PDE3B: variants seen among roughly 807,000 people sequenced by gnomAD.
PDE3B encodes cGMP-inhibited 3',5'-cyclic phosphodiesterase 3B.
A neutral mutation model predicts 116.8 loss-of-function variants in PDE3B; 66 were observed. The ratio of observed to expected loss-of-function variants is 0.56; its 90% CI spans 0.46 to 0.69. The LOEUF (loss-of-function observed/expected upper bound fraction) is 0.69. Among genes scored for constraint, PDE3B ranks in the 30% least tolerant of loss-of-function variants. The pLI is 0.00. For synonymous variants in PDE3B, 595 were observed against 533.6 expected, an observed-to-expected ratio of 1.12 and a Z score of -1.59; for missense variants, 1,384 against 1,368.1, an observed-to-expected ratio of 1.01 and a Z score of -0.18.
At chr11:14,823,548 C>G (rs1300580103) in intron 7 of PDE3B, among the ~76,000 whole-genome samples, 1 of 152,110 alleles carries the variant, frequency 6.6e-6, no homozygotes, top group African/African-American at 2.4e-5. Flanking sequence ...TACACAGGTC[C>G]TCAACCCTAT....
chr11:14,789,192 G>C lies in PDE3B; in HGVS notation c.1365G>C (p.Arg455Ser). The C allele has an allele frequency of 1.2e-6, 2 of 1,611,028 alleles. No individual in the cohort carries two copies. The highest frequency in any genetic ancestry group is 1.7e-6 in the Non-Finnish European group (2 of 1,177,942). ...TGCTACCTGTTGAACAGTCTTCAAGGTGGGATCGTAATAATGGCAAAAGAC... is the reference window on the plus strand; with the variant it reads ...TGCTACCTGTTGAACAGTCTTCAAGCTGGGATCGTAATAATGGCAAAAGAC... ...SGLLPVEQSS[R>S]WDRNNGKRPH... Residue 455 changes from arginine (R) to serine (S), a missense_variant, in exon 4 of 16, where the codon AGG becomes AGC. By Grantham distance (110) the Arg-to-Ser change is moderately radical. This residue lies in a region of PDE3B where 956 missense variants were observed against 806.8 expected (regional missense o/e 1.18). Transcript: ENST00000282096.
At chr11:14,743,262 A>G (rs1255802274) in intron 1 of PDE3B, among the ~76,000 whole-genome samples, 1 of 152,106 alleles carries the variant, frequency 6.6e-6, no homozygotes, top group African/African-American at 2.4e-5. Context: ...CCCTGCCCAG[A>G]GAGGTGGAAT....
At chr11:14,677,428 T>C (rs1343948027) in intron 1 of PDE3B, among the ~76,000 whole-genome samples, 1 of 152,238 alleles carries the variant, frequency 6.6e-6, no homozygotes, top group Admixed American at 6.5e-5. Flanking sequence ...TGCGTATATG[T>C]AATGATATCT....
At chr11:14,791,105 T>A (rs1489362812) in intron 4 of PDE3B, among the ~76,000 whole-genome samples, 4 of 152,150 alleles carry the variant, frequency 2.6e-5, no homozygotes, top group Admixed American at 6.6e-5. Context: ...TGTGACTGTT[T>A]TGTAGACATA....
At chr11:14,851,241 G>T (rs1257433093) in intron 12 of PDE3B, among the ~76,000 whole-genome samples, 4 of 151,994 alleles carry the variant, frequency 2.6e-5, no homozygotes, top group African/African-American at 9.7e-5. Context: ...TTTCTAATTG[G>T]ATGCTTTATG....
rs143456836 is a variant in PDE3B at position 14,678,103 on chromosome 11, A to G, written c.978+33050A>G. Among the ~76,000 whole-genome samples, 943 of 151,946 alleles carry G rather than the reference A, an allele frequency of 6.2e-3. 29 individuals are homozygous for G. Among genetic ancestry groups the G allele is most frequent in the Admixed American group, 0.045 (679 of 15,258 alleles). Reference sequence around the variant, plus strand: ...ACCACCACGCCTGGCTGATTTTTGTATTTTTAGTAGAGATGGGGCTTTGCC... The same window carrying G: ...ACCACCACGCCTGGCTGATTTTTGTGTTTTTAGTAGAGATGGGGCTTTGCC... On this transcript the variant is annotated intron_variant, in intron 1 of 15. Coordinates refer to ENST00000282096, the MANE Select transcript of PDE3B (RefSeq NM_000922.4).
At chr11:14,796,965 T>A (rs2133926899) in intron 4 of PDE3B, among the ~76,000 whole-genome samples, 1 of 152,352 alleles carries the variant, frequency 6.6e-6, no homozygotes, top group African/African-American at 2.4e-5. Context: ...TGGTATTGCC[T>A]AGGTTTTCTT....
chr11:14,732,847 A>G (rs1323314047), intron 1 of PDE3B, among the ~76,000 whole-genome samples: 1 of 152,222 alleles, frequency 6.6e-6, no homozygotes, highest in East Asian at 1.9e-4. Flanking sequence ...TGTGTTGTTC[A>G]AGAGTCAACT....
At chr11:14,782,873 G>A (rs1858061472) in intron 2 of PDE3B, among the ~76,000 whole-genome samples, 1 of 152,120 alleles carries the variant, frequency 6.6e-6, no homozygotes, top group Admixed American at 6.6e-5. Context: ...TGACAAAAGG[G>A]CTAATATCCA....
At chr11:14,661,194 A>C (rs1853893238) in intron 1 of PDE3B, among the ~76,000 whole-genome samples, 1 of 152,266 alleles carries the variant, frequency 6.6e-6, no homozygotes, top group South Asian at 2.1e-4. Flanking sequence ...ATTATAAATC[A>C]TGCTGCTATA....
At chr11:14,862,167 G>A (rs1269822100) in intron 14 of PDE3B, among the ~76,000 whole-genome samples, 5 of 152,292 alleles carry the variant, frequency 3.3e-5, no homozygotes, top group African/African-American at 1.2e-4. Flanking sequence ...TTTCCCTGGT[G>A]CCAGCTGTGA....
At chr11:14,663,136 A>T (rs2133766035) in intron 1 of PDE3B, among the ~76,000 whole-genome samples, 1 of 152,324 alleles carries the variant, frequency 6.6e-6, no homozygotes, top group East Asian at 1.9e-4. Context: ...AAGCCAGAAG[A>T]GAGTGGGGGC....
rs1404941221 is a variant in PDE3B at position 14,869,600 on chromosome 11, T to C, written c.3279T>C (p.Asn1093=). The C allele has an allele frequency of 1.9e-6, 3 of 1,613,652 alleles. No individual in the cohort carries two copies. In the African/African-American group the frequency reaches 4.0e-5, roughly 22 times the overall value. ...KADGNKLQVE[N]SSLPQADEIQ... is the part of the protein sequence containing the mutation. ...ATGGGAATAAACTGCAGGTGGAGAATTCCTCCTTACCTCAAGCAGATGAGA... is the reference window on the plus strand; with the variant it reads ...ATGGGAATAAACTGCAGGTGGAGAACTCCTCCTTACCTCAAGCAGATGAGA... The change falls in exon 16 of 16, where the codon AAT becomes AAC. Residue 1093 remains asparagine (N), a synonymous_variant. Coordinates refer to ENST00000282096, the MANE Select transcript of PDE3B (RefSeq NM_000922.4).
At chr11:14,895,233 G>A in the PDE3B span, among the ~76,000 whole-genome samples, 1 of 152,340 alleles carries the variant, frequency 6.6e-6, no homozygotes, top group East Asian at 1.9e-4. Context: ...TCCTTTGCAT[G>A]TTCCATTATG....
chr11:14,832,774 C>A lies in PDE3B; in HGVS notation c.2147C>A (p.Pro716His). 2 of 1,534,738 alleles carry A rather than the reference C, an allele frequency of 1.3e-6. No individual in the cohort carries two copies. Among genetic ancestry groups the A allele is most frequent in the Non-Finnish European group, 1.8e-6 (2 of 1,117,166 alleles). Reference sequence around the variant, plus strand: ...GGTTTATTGGAAATATTTAAAATTCCCACTCAACAATTTATGAACTATTTT... The same window carrying A: ...GGTTTATTGGAAATATTTAAAATTCACACTCAACAATTTATGAACTATTTT... ...DTGLLEIFKI[P>H]TQQFMNYFRA... Residue 716 changes from proline to histidine, a missense_variant, in exon 10 of 16, where the codon CCC (proline) becomes CAC (histidine). This residue lies in a region of PDE3B where 428 missense variants were observed against 561.4 expected (regional missense o/e 0.76). Coordinates refer to ENST00000282096, the MANE Select transcript of PDE3B (RefSeq NM_000922.4).
chr11:14,789,203 A>G lies in PDE3B; in HGVS notation c.1376A>G (p.Asn459Ser). 2 of 1,610,418 alleles carry G rather than the reference A, an allele frequency of 1.2e-6. No homozygotes were observed. Among genetic ancestry groups the G allele is most frequent in the Non-Finnish European group, 8.5e-7 (1 of 1,177,716 alleles). The change falls in exon 4 of 16, where the codon AAT (asparagine) becomes AGT (serine). Residue 459 changes from asparagine to serine, a missense_variant. Around this residue, in one of 2 missense-constraint regions of PDE3B, gnomAD observed 956 missense variants for 806.8 expected, o/e 1.18. Transcript: ENST00000282096. Reference protein sequence around the residue: ...PVEQSSRWDRNNGKRPHQEFG... With the variant: ...PVEQSSRWDRSNGKRPHQEFG... ...GAACAGTCTTCAAGGTGGGATCGTA[A>G]TAATGGCAAAAGACCTCACCAAGAA...
chr11:14,652,272 G>T (rs1207119880), intron 1 of PDE3B, among the ~76,000 whole-genome samples: 1 of 152,076 alleles, frequency 6.6e-6, no homozygotes, highest in Non-Finnish European at 1.5e-5. Context: ...TGGCTTCTTT[G>T]TTGAAAATTA....
At chr11:14,898,463 T>G in the PDE3B span, among the ~76,000 whole-genome samples, 1 of 152,306 alleles carries the variant, frequency 6.6e-6, no homozygotes, top group East Asian at 1.9e-4. Context: ...TTAGCTATAC[T>G]TCTGGAAGTC....
chr11:14,669,012 A>G (rs957247586), intron 1 of PDE3B, among the ~76,000 whole-genome samples: 12 of 152,158 alleles, frequency 7.9e-5, no homozygotes, highest in African/African-American at 2.9e-4. Flanking sequence ...TCAAATGGCT[A>G]AAGTAGGGAG....
Sources: gnomAD v4.1 joint callset for allele counts (sites outside exome capture counted in the v4.1 genomes callset) on GRCh38, gnomAD v4.1.1 for gene constraint, gnomAD v4.1.1 regional missense constraint, MANE v1.5 for transcripts, NCBI Gene and HGNC (gene_info 2026-07-23, HGNC 2026-07-21) for gene names.